SPATS2: variants seen among roughly 807,000 people sequenced by gnomAD.
The protein encoded by SPATS2 is spermatogenesis-associated serine-rich protein 2.
In SPATS2, 38 loss-of-function variants were observed where a neutral mutation model predicts 63.7. The observed-to-expected ratio is 0.60, with a 90% CI of 0.46 to 0.78. The LOEUF (loss-of-function observed/expected upper bound fraction) is 0.78, where lower values mean the gene tolerates loss of function less well. Ranked by LOEUF, SPATS2 falls within the 30% of genes least tolerant of loss-of-function variation. SPATS2 has a pLI of 0.00. For missense variants in SPATS2, 588 were observed against 666.2 expected (o/e 0.88, Z 1.29); for synonymous variants, 207 against 232.9 (o/e 0.89, Z 1.01).
intron 2 of SPATS2, among the ~76,000 whole-genome samples, chr12:49,397,871 C>T (rs1020521035): frequency 1.4e-5 from 2 of 145,300 alleles, no homozygotes; most frequent in East Asian, 2.0e-4. Flanking sequence ...ATCCATTGGC[C>T]GAGCATGGTG....
intron 3 of SPATS2, among the ~76,000 whole-genome samples, chr12:49,479,496 T>A (rs895954511): frequency 6.6e-6 from 1 of 152,100 alleles, no homozygotes; most frequent in Non-Finnish European, 1.5e-5. Context: ...GATGCCTGAG[T>A]GTGCAGCTAT....
chr12:49,400,724 G>A (rs1286510797), intron 2 of SPATS2, among the ~76,000 whole-genome samples: 1 of 152,126 alleles, frequency 6.6e-6, no homozygotes, highest in East Asian at 1.9e-4. Flanking sequence ...CTTGAGGAAA[G>A]AGAAAATGGC....
At chr12:49,428,255 A>G (rs1475625999) in intron 2 of SPATS2, among the ~76,000 whole-genome samples, 2 of 151,172 alleles carry the variant, frequency 1.3e-5, no homozygotes, top group African/African-American at 2.5e-5. Flanking sequence ...ACCCCGTCTC[A>G]AAAAACAAAC....
chr12:49,379,550 CAAA>C (rs565753035), intron 2 of SPATS2, among the ~76,000 whole-genome samples: 1 of 45,032 alleles, frequency 2.2e-5, no homozygotes, highest in Admixed American at 2.5e-4. Context: ...GAATCCGTCT[CAAA>C]AAAAAAAAAA....
chr12:49,368,718 T>G (rs1943947064), intron 1 of SPATS2, among the ~76,000 whole-genome samples: 1 of 152,210 alleles, frequency 6.6e-6, no homozygotes, highest in African/African-American at 2.4e-5. Context: ...TCCTTAATAT[T>G]TGGATTTCCA....
intron 2 of SPATS2, among the ~76,000 whole-genome samples, chr12:49,415,775 C>T (rs753249037): frequency 2.6e-5 from 4 of 152,254 alleles, no homozygotes; most frequent in African/African-American, 7.2e-5. Context: ...TGATCTCTGG[C>T]ATACTTATAC....
chr12:49,439,703 A>G (rs12424687), intron 2 of SPATS2, among the ~76,000 whole-genome samples: 1 of 152,220 alleles, frequency 6.6e-6, no homozygotes, highest in Admixed American at 6.5e-5. Context: ...GTTTGGAGAC[A>G]TTCAGTTGAA....
intron 2 of SPATS2, among the ~76,000 whole-genome samples, chr12:49,423,548 C>A (rs1379016119): frequency 1.3e-5 from 2 of 152,154 alleles, no homozygotes; most frequent in Admixed American, 1.3e-4. Flanking sequence ...TCTGATATAC[C>A]ATAATTCTTC....
intron 3 of SPATS2, chr12:49,463,434 A>G (rs1945857357): frequency 6.7e-6 from 1 of 148,548 alleles, no homozygotes; most frequent in Non-Finnish European, 1.5e-5. Flanking sequence ...AAAAAAAAAT[A>G]GACTACAACA....
intron 1 of SPATS2, among the ~76,000 whole-genome samples, chr12:49,368,924 A>AT (rs1453812404): frequency 1.3e-4 from 20 of 152,152 alleles, no homozygotes; most frequent in African/African-American, 4.8e-4. Context: ...AGGTTACTTT[A>AT]CAAAGGTCCA....
At chr12:49,367,398 T>C (rs1943916987), upstream of SPATS2, 1 of 381,740 alleles carries the variant, frequency 2.6e-6, no homozygotes, top group East Asian at 3.7e-5. Context: ...AGGAGAGAAG[T>C]GGGGAGGCGG....
intron 3 of SPATS2, among the ~76,000 whole-genome samples, chr12:49,472,983 G>C (rs148861795): frequency 3.3e-5 from 5 of 151,016 alleles, no homozygotes; most frequent in Admixed American, 3.3e-4. Context: ...CCGGGTAGTC[G>C]AGGCTGCAGT....
At chr12:49,430,208 C>T (rs1319250754) in intron 2 of SPATS2, among the ~76,000 whole-genome samples, 1 of 146,756 alleles carries the variant, frequency 6.8e-6, no homozygotes, top group Non-Finnish European at 1.5e-5. Flanking sequence ...TCAAGCAGTT[C>T]TCCTGCCTCA....
intron 2 of SPATS2, among the ~76,000 whole-genome samples, chr12:49,443,310 T>C (rs1945456522): frequency 6.6e-6 from 1 of 152,220 alleles, no homozygotes; most frequent in African/African-American, 2.4e-5. Context: ...TATTCAGTTA[T>C]CCCAGCACCA....
intron 2 of SPATS2, among the ~76,000 whole-genome samples, chr12:49,457,573 A>G (rs1945741780): frequency 6.6e-6 from 1 of 152,052 alleles, no homozygotes. Flanking sequence ...AGCTGGGATT[A>G]CAGGCATGCA....
rs111655814 is a variant in SPATS2 at position 49,475,427 on chromosome 12, CTTG to C, written c.26-9136_26-9134del. Among the ~76,000 whole-genome samples the C allele has an allele frequency of 1.7e-3, 255 of 151,368 alleles. 1 individual carries two copies. The highest frequency in any genetic ancestry group is 4.6e-3 in the South Asian group (22 of 4,782). On this transcript the variant is annotated intron_variant, in intron 3 of 13. Coordinates refer to ENST00000552918, the MANE Select transcript of SPATS2 (RefSeq NM_023071.4). ...TCTTTACTGGTGTACTGGTAGAATT[CTTG>C]TTGTTGTTGTTGTTGTTGTTGTTGT...
At position 49,494,869 on chromosome 12, in the gene SPATS2, C is replaced by G; in HGVS notation, c.393C>G (p.Gly131=). The change falls in exon 7 of 14, where the codon GGC becomes GGG. Residue 131 remains glycine (G), a synonymous_variant. Transcript: ENST00000552918. ...APSSEKGGMN[G]YHVNGAINDT... is the part of the protein sequence containing the mutation. ...CCTCAGAGAAAGGTGGTATGAATGG[C>G]TACCATGTCAATGGTGCCATCAATG... is the stretch of plus-strand genomic sequence containing the variant. 4 of 1,613,960 alleles carry G rather than the reference C, an allele frequency of 2.5e-6. No homozygotes were observed. Among genetic ancestry groups the G allele is most frequent in the Non-Finnish European group, 3.4e-6 (4 of 1,180,000 alleles).
chr12:49,424,923 A>C (rs1312956513), intron 2 of SPATS2, among the ~76,000 whole-genome samples: 2 of 151,966 alleles, frequency 1.3e-5, no homozygotes, highest in East Asian at 3.9e-4. Flanking sequence ...CGGATGATCC[A>C]CTCCCGCTTG....
chr12:49,515,913 G>A (rs1565760542), intron 10 of SPATS2, among the ~76,000 whole-genome samples: 1 of 151,464 alleles, frequency 6.6e-6, no homozygotes, highest in East Asian at 2.0e-4. Flanking sequence ...AGGCTGAGGC[G>A]GGCAGATCAC....
Sources: allele counts gnomAD v4.1 joint callset (sites outside exome capture counted in the v4.1 genomes callset), GRCh38; gene constraint gnomAD v4.1.1; transcripts MANE v1.5; gene names NCBI Gene and HGNC (gene_info 2026-07-23, HGNC 2026-07-21).